TRERF1: variants seen among roughly 807,000 people sequenced by gnomAD.
The protein encoded by TRERF1 is transcriptional regulating factor 1.
TRERF1 carries 27 observed loss-of-function variants against 122.9 expected under a neutral mutation model. The observed-to-expected ratio is 0.22, with a 90% CI of 0.16 to 0.30. The LOEUF (loss-of-function observed/expected upper bound fraction) is 0.30, where lower values mean the gene tolerates loss of function less well. Among genes scored for constraint, TRERF1 ranks in the 10% least tolerant of loss-of-function variants. TRERF1 has a pLI of 1.00. For missense variants in TRERF1, 1,248 were observed against 1,560.3 expected, an observed-to-expected ratio of 0.80 and a Z score of 3.37; for synonymous variants, 636 against 641.7, an observed-to-expected ratio of 0.99 and a Z score of 0.13.
At chr6:42,302,494 C>T (rs755503416) in intron 3 of TRERF1, among the ~76,000 whole-genome samples, 1 of 152,134 alleles carries the variant, frequency 6.6e-6, no homozygotes, top group Non-Finnish European at 1.5e-5. Flanking sequence ...TTTTTAAATG[C>T]AAACACACAT....
chr6:42,250,601 T>C (rs1775573142), intron 13 of TRERF1, among the ~76,000 whole-genome samples: 1 of 152,022 alleles, frequency 6.6e-6, no homozygotes, highest in African/African-American at 2.4e-5. Flanking sequence ...ACACCCTCCC[T>C]TCTCTCTAGG....
At chr6:42,261,403 G>C (rs979341427) in intron 8 of TRERF1, among the ~76,000 whole-genome samples, 1 of 152,158 alleles carries the variant, frequency 6.6e-6, no homozygotes, top group Non-Finnish European at 1.5e-5. Context: ...TGAGCCACTG[G>C]GCAAGAGAAG....
chr6:42,344,391 CTAT>C (rs1243729950), intron 3 of TRERF1, among the ~76,000 whole-genome samples: 1 of 152,058 alleles, frequency 6.6e-6, no homozygotes, highest in African/African-American at 2.4e-5. Flanking sequence ...TACAAAAATC[CTAT>C]TATTTTGTAA....
intron 4 of TRERF1, among the ~76,000 whole-genome samples, chr6:42,295,620 C>A (rs1168969981): frequency 6.6e-6 from 1 of 152,214 alleles, no homozygotes; most frequent in Non-Finnish European, 1.5e-5. Flanking sequence ...CCAGGAAGCC[C>A]TCCCTGACCA....
intron 3 of TRERF1, among the ~76,000 whole-genome samples, chr6:42,321,266 A>G (rs1009291808): frequency 6.6e-6 from 1 of 152,134 alleles, no homozygotes; most frequent in Non-Finnish European, 1.5e-5. Flanking sequence ...AGGAAGCAGT[A>G]GAACCAATCT....
chr6:42,417,865 G>T (rs774094429), intron 2 of TRERF1, among the ~76,000 whole-genome samples: 1 of 152,212 alleles, frequency 6.6e-6, no homozygotes, highest in Non-Finnish European at 1.5e-5. Context: ...CAAGAACTCG[G>T]TGAGCTGCAG....
chr6:42,434,668 C>CCACACACACACA (rs3075920), intron 2 of TRERF1, among the ~76,000 whole-genome samples: 7 of 114,888 alleles, frequency 6.1e-5, no homozygotes, highest in African/African-American at 8.6e-5. Flanking sequence ...ACACCCTCCA[C>CCACACACACACA]CACACACACA....
intron 3 of TRERF1, among the ~76,000 whole-genome samples, chr6:42,358,776 C>T (rs920673512): frequency 6.7e-6 from 1 of 148,358 alleles, no homozygotes; most frequent in Non-Finnish European, 1.5e-5. Context: ...AGGTCAATGA[C>T]CTAAAGCTTT....
In TRERF1 at chr6:42,393,788, A is replaced by G. The variant is rs1224683481; in HGVS notation, c.-453-30709T>C. Among the ~76,000 whole-genome samples the G allele has an allele frequency of 1.3e-5, 2 of 152,224 alleles. No homozygotes were observed. Among genetic ancestry groups the G allele is most frequent in the African/African-American group, 2.4e-5 (1 of 41,444 alleles). On this transcript the variant is annotated intron_variant, in intron 2 of 17. Transcript: ENST00000372922. This position sits in a 1 kb window ranked among gnomAD's most constrained non-coding sequence, Gnocchi z 4.1. ...CCACCACAGAAAGTCAGGTTTTAAAAGAGCAGTGTACAACTAGGAAATCCT... is the reference window on the plus strand; with the variant it reads ...CCACCACAGAAAGTCAGGTTTTAAAGGAGCAGTGTACAACTAGGAAATCCT...
chr6:42,432,379 C>T (rs932628366), intron 2 of TRERF1, among the ~76,000 whole-genome samples: 15 of 152,164 alleles, frequency 9.9e-5, no homozygotes, highest in Non-Finnish European at 2.2e-4. Flanking sequence ...CATTTCTACT[C>T]CACACTTTTA....
intron 2 of TRERF1, among the ~76,000 whole-genome samples, chr6:42,445,748 A>G (rs1208991355): frequency 6.6e-6 from 1 of 151,846 alleles, no homozygotes; most frequent in Non-Finnish European, 1.5e-5. Flanking sequence ...CCTAATGAGC[A>G]TCTCACACCC....
intron 3 of TRERF1, among the ~76,000 whole-genome samples, chr6:42,356,560 G>C (rs1581758310): frequency 6.6e-6 from 1 of 152,028 alleles, no homozygotes; most frequent in African/African-American, 2.4e-5. Context: ...CCAGAGCTGT[G>C]AAAAATAATT....
At chr6:42,289,489 C>T (rs73428839) in intron 4 of TRERF1, among the ~76,000 whole-genome samples, 8,281 of 152,062 alleles carry the variant, frequency 0.054, 276 homozygotes, top group African/African-American at 0.089. Context: ...GAGGCAAATA[C>T]AGGCTATTAT....
At chr6:42,321,274 T>C (rs1185998685) in intron 3 of TRERF1, among the ~76,000 whole-genome samples, 2 of 149,154 alleles carry the variant, frequency 1.3e-5, no homozygotes, top group African/African-American at 5.0e-5. Context: ...GTAGAACCAA[T>C]CTAGTAAAGT....
intron 2 of TRERF1, among the ~76,000 whole-genome samples, chr6:42,423,829 T>C (rs1783205751): frequency 6.6e-6 from 1 of 152,182 alleles, no homozygotes; most frequent in African/African-American, 2.4e-5. Flanking sequence ...CTTGGGGAGC[T>C]TGTCACAAAC....
chr6:42,262,303 G>A (rs1778062046), intron 8 of TRERF1, among the ~76,000 whole-genome samples: 11 of 151,902 alleles, frequency 7.2e-5, no homozygotes, highest in Admixed American at 6.6e-4. Flanking sequence ...CCCTGGCCCA[G>A]CCTACCCTTA....
At chr6:42,347,714 A>G (rs1420054482) in intron 3 of TRERF1, among the ~76,000 whole-genome samples, 2 of 152,204 alleles carry the variant, frequency 1.3e-5, no homozygotes, top group African/African-American at 4.8e-5. Context: ...CCCTGACCTC[A>G]AAGAGTGAAC....
chr6:42,228,677 T>C lies in TRERF1; in HGVS notation c.3279-8A>G. ...TTGATCTTGAAGAAGACTCTAAAAA[T>C]AAAGAAAGAGAGGTGTGTAGAATTT... On this transcript the variant is annotated splice_region_variant and splice_polypyrimidine_tract_variant and intron_variant, in intron 17 of 17. Coordinates refer to ENST00000372922, the Ensembl canonical transcript of TRERF1. The surrounding 1 kb of genome is among the most constrained non-coding windows in gnomAD (Gnocchi z 4.2). The C allele has an allele frequency of 6.3e-7, 1 of 1,583,454 alleles. No individual in the cohort carries two copies. The highest frequency in any genetic ancestry group is 1.7e-4 in the Middle Eastern group (1 of 5,888).
intron 2 of TRERF1, among the ~76,000 whole-genome samples, chr6:42,389,910 T>C (rs1205283326): frequency 6.6e-6 from 1 of 152,226 alleles, no homozygotes; most frequent in Non-Finnish European, 1.5e-5. Context: ...AGGAACAATC[T>C]CTCTCTCCAT....
Sources: gnomAD v4.1 joint callset for allele counts (sites outside exome capture counted in the v4.1 genomes callset) on GRCh38, gnomAD v4.1.1 for gene constraint, Gnocchi (gnomAD v3.1) non-coding constraint, MANE v1.5 for transcripts, NCBI Gene and HGNC (gene_info 2026-07-23, HGNC 2026-07-21) for gene names.